The following AP4M1 variants were observed in gnomAD, a reference collection of about 807,000 sequenced individuals.
The protein encoded by AP4M1 is adaptor related protein complex 4 subunit mu 1.
Under a neutral mutation model 62.4 loss-of-function variants are expected in AP4M1, and 58 were observed. The ratio of observed to expected loss-of-function variants is 0.93; its 90% CI spans 0.75 to 1.16. The LOEUF (loss-of-function observed/expected upper bound fraction) is 1.16, where lower values mean the gene tolerates loss of function less well. AP4M1 is among the 50% of genes most tolerant of loss of function. AP4M1 has a pLI of 0.00. For synonymous variants in AP4M1, 290 were observed against 239.7 expected, an observed-to-expected ratio of 1.21 and a Z score of -1.94; for missense variants, 626 against 585.4, an observed-to-expected ratio of 1.07 and a Z score of -0.72.
Position 100,108,462 on chromosome 7 carries a change from G to A in AP4M1, c.*1580G>A, listed in dbSNP as rs750645763. On this transcript the variant is annotated 3_prime_UTR_variant, in exon 15 of 15. Coordinates refer to ENST00000359593, the MANE Select transcript of AP4M1 (RefSeq NM_004722.4). Reference sequence around the variant, plus strand: ...ACCTGGGAGCAGAGGAGGGGCCCAAGGGACCCGAATTCTGCCCGATAGGCG... The same window carrying A: ...ACCTGGGAGCAGAGGAGGGGCCCAAAGGACCCGAATTCTGCCCGATAGGCG... 3 of 1,614,078 alleles carry A rather than the reference G, an allele frequency of 1.9e-6. No homozygotes were observed. Among genetic ancestry groups the A allele is most frequent in the Non-Finnish European group, 2.5e-6 (3 of 1,179,968 alleles).
At chr7:100,101,835 C>T (rs1487941800) in intron 1 of AP4M1, 45 bp from the exon 2 acceptor site, 1 of 1,612,098 alleles carries the variant, frequency 6.2e-7, no homozygotes, top group Non-Finnish European at 8.5e-7. Context: ...CGCCCAGGGC[C>T]AGCCTGTGTC....
chr7:100,100,984 T>C, upstream of AP4M1: 1 of 903,238 alleles, frequency 1.1e-6, no homozygotes, highest in Non-Finnish European at 1.6e-6. Context: ...GACTTTTCCC[T>C]GTGCAGCCCC....
chr7:100,105,052 C>T lies in AP4M1; in HGVS notation c.681C>T (p.Arg227=), dbSNP rs1484937544. 1 of 1,614,130 alleles carries T rather than the reference C, an allele frequency of 6.2e-7. No individual in the cohort carries two copies. The highest frequency in any genetic ancestry group is 1.1e-5 in the South Asian group (1 of 91,086). The change falls in exon 9 of 15, where the codon CGC becomes CGT. Residue 227 remains arginine, a synonymous_variant. Coordinates refer to ENST00000359593, the MANE Select transcript of AP4M1 (RefSeq NM_004722.4). ...TGGTCTCTCCTCCGACAGAGATGCGCATTGGCTTGACGGAAGAGTTTTGTG... is the reference window on the plus strand; with the variant it reads ...TGGTCTCTCCTCCGACAGAGATGCGTATTGGCTTGACGGAAGAGTTTTGTG... ...KSFLPSGSEM[R]IGLTEEFCVG...
At chr7:100,101,621 A>G, upstream of AP4M1, 1 of 1,320,534 alleles carries the variant, frequency 7.6e-7, no homozygotes, top group Non-Finnish European at 1.1e-6. Flanking sequence ...AATCGCTCTT[A>G]AAGGGCCAGC....
In AP4M1 at chr7:100,106,827, C is replaced by G. The variant is rs755925051; in HGVS notation, c.1307C>G (p.Pro436Arg). ...TTCAGGCCATGCGGCAATGCCAACC[C>G]CCACAAGTGGGTGCGACACCTAAGC... Reference protein sequence around the residue: ...LAFRPCGNANPHKWVRHLSHS... With the variant: ...LAFRPCGNANRHKWVRHLSHS... Residue 436 changes from proline (P) to arginine (R), a missense_variant, in exon 15 of 15, where the codon CCC (proline) becomes CGC (arginine). Coordinates refer to ENST00000359593, the MANE Select transcript of AP4M1 (RefSeq NM_004722.4). 1.2e-6 allele frequency: 2 copies of G among 1,613,920 alleles called. No individual in the cohort carries two copies. The highest frequency in any genetic ancestry group is 1.7e-6 in the Non-Finnish European group (2 of 1,180,060).
intron 11 of AP4M1, 135 bp from the exon 12 acceptor site, chr7:100,105,824 G>A: frequency 9.0e-7 from 1 of 1,109,348 alleles, no homozygotes; most frequent in Non-Finnish European, 1.4e-6. Flanking sequence ...AATGGAGTTG[G>A]GCTGGGCTTC....
In AP4M1 at chr7:100,107,684, G is replaced by A; in HGVS notation, c.*802G>A. On this transcript the variant is annotated 3_prime_UTR_variant, in exon 15 of 15. Transcript: ENST00000359593. ...GCCCTCCCTGCCCCCCAGAGGCCTG[G>A]CGAGGACGCTTCACTCGCTCCCTGC... 7.0e-6 allele frequency: 11 copies of A among 1,579,572 alleles called. No homozygotes were observed. The highest frequency in any genetic ancestry group is 9.4e-6 in the Non-Finnish European group (11 of 1,165,540).
intron 8 of AP4M1, 36 bp downstream of exon 8, chr7:100,104,976 T>A (rs750376210): frequency 4.5e-5 from 72 of 1,613,922 alleles, no homozygotes; most frequent in Non-Finnish European, 5.6e-5. Flanking sequence ...GGGTTGGGGT[T>A]AGGGCGGGTT....
chr7:100,101,536 G>A (rs1796030651), upstream of AP4M1: 2 of 796,778 alleles, frequency 2.5e-6, no homozygotes, highest in Non-Finnish European at 4.2e-6. Context: ...CGGTGCGGGC[G>A]TCGGAAGGGA....
intron 2 of AP4M1, chr7:100,102,257 G>A (rs1796107122): frequency 3.5e-6 from 2 of 575,070 alleles, no homozygotes; most frequent in Non-Finnish European, 6.2e-6. Flanking sequence ...TGGGCGTGGT[G>A]GCGGGCGCCT....
Position 100,104,134 on chromosome 7 carries a change from T to A in AP4M1, c.586T>A (p.Ser196Thr). ...TTTTTTGGATGTGGTCGAGAGATTG[T>A]CTGTACTGATAGCATCTAATGTAAG... Reference protein sequence around the residue: ...EVFLDVVERLSVLIASNGSLL... With the variant: ...EVFLDVVERLTVLIASNGSLL... Residue 196 changes from serine to threonine, a missense_variant, in exon 7 of 15, where the codon TCT (serine) becomes ACT (threonine). Transcript: ENST00000359593. 1 of 1,614,036 alleles carries A rather than the reference T, an allele frequency of 6.2e-7. No individual in the cohort carries two copies. The highest frequency in any genetic ancestry group is 1.1e-5 in the South Asian group (1 of 91,080).
At chr7:100,100,936 GC>G (rs1244178065), upstream of AP4M1, 2 of 1,026,096 alleles carry the variant, frequency 1.9e-6, no homozygotes, top group South Asian at 6.1e-5. Flanking sequence ...GGGCACGGGA[GC>G]CCAGAGCCCT....
rs943002028 is a variant in AP4M1, at chr7:100,106,149, A to ACC, written c.975-91_975-90dup. 8.4e-5 allele frequency: 131 copies of ACC among 1,554,786 alleles called. No homozygotes were observed. The African/African-American group carries it at 1.5e-3, about 18-fold the overall frequency. Reference sequence around the variant, plus strand: ...TGTAGAATTTGGGAAGGTGGGGGGCACCTGTGCTGAAATCCTGTTATGACA... The same window carrying ACC: ...TGTAGAATTTGGGAAGGTGGGGGGCACCCCTGTGCTGAAATCCTGTTATGACA... On this transcript the variant is annotated intron_variant, in intron 12 of 14. Transcript: ENST00000359593.
In AP4M1 at chr7:100,108,046, G is replaced by GGAGCCAGGAACCTTCAGC; in HGVS notation, c.*1165_*1182dup. On this transcript the variant is annotated 3_prime_UTR_variant, in exon 15 of 15. Transcript: ENST00000359593. ...CCAGTGTCTGGACAGGAAGTGCGAT[G>GGAGCCAGGAACCTTCAGC]GAGCCAGGAACCTTCAGCAAGCCAG... 6.2e-7 allele frequency: 1 copy of GGAGCCAGGAACCTTCAGC among 1,613,564 alleles called. No individual in the cohort carries two copies.
rs764352275 is a variant in AP4M1, at chr7:100,106,462, G to C, written c.1085G>C (p.Arg362Pro). 1 of 1,613,812 alleles carries C rather than the reference G, an allele frequency of 6.2e-7. No individual in the cohort carries two copies. The highest frequency in any genetic ancestry group is 8.5e-7 in the Non-Finnish European group (1 of 1,180,026). Residue 362 changes from arginine to proline, a missense_variant, in exon 14 of 15, where the codon CGC becomes CCC. Physicochemically the swap from Arg to Pro is moderately radical, Grantham distance 103. Coordinates refer to ENST00000359593, the MANE Select transcript of AP4M1 (RefSeq NM_004722.4). ...GCTGAGCTGGCAGAGGGAGCCCTTC[G>C]CTGGGACCTGCCTCGGGTGCAAGGA... ...QKAELAEGAL[R>P]WDLPRVQGGS...
chr7:100,105,718 G>A (rs1038610356), intron 11 of AP4M1, among the ~76,000 whole-genome samples, 179 bp downstream of exon 11: 8 of 151,960 alleles, frequency 5.3e-5, no homozygotes, highest in Non-Finnish European at 7.4e-5. Flanking sequence ...AGGCTGAGGC[G>A]GGAGGATCAC....
rs1562907937 is a variant in AP4M1, at chr7:100,104,083, CTT to C, written c.544-7_544-6del. ...GCTTCCAACCACCCAAATTCTCTCT[CTT>C]TCTCAGAGCCAAAAGAATGAAGTTT... On this transcript the variant is annotated splice_polypyrimidine_tract_variant and splice_region_variant and intron_variant, in intron 6 of 14. Transcript: ENST00000359593. 1.9e-6 allele frequency: 3 copies of C among 1,613,798 alleles called. No homozygotes were observed. The Admixed American group carries it at 5.0e-5, about 27-fold the overall frequency.
At chr7:100,104,560 G>T (rs1300153339) in intron 7 of AP4M1, among the ~76,000 whole-genome samples, 1 of 152,086 alleles carries the variant, frequency 6.6e-6, no homozygotes, top group Non-Finnish European at 1.5e-5. Context: ...GCTGGGCACA[G>T]TGGCTCATGC....
chr7:100,106,665 TCCCAGGGCC>T lies in AP4M1; in HGVS notation c.1152_1160del (p.Gly387_Pro389del). ...TGCCTCTGCCCCTCACAGATGGACGTCCCAGGGCCCCCAGGACCTCCCAGCCATGGGCTC... is the reference window on the plus strand; with the variant it reads ...TGCCTCTGCCCCTCACAGATGGACGTCCCAGGACCTCCCAGCCATGGGCTC... On this transcript the variant is annotated inframe_deletion, in exon 15 of 15. Coordinates refer to ENST00000359593, the MANE Select transcript of AP4M1 (RefSeq NM_004722.4). 1 of 1,609,520 alleles carries T rather than the reference TCCCAGGGCC, an allele frequency of 6.2e-7. No homozygotes were observed. Among genetic ancestry groups the T allele is most frequent in the Non-Finnish European group, 8.5e-7 (1 of 1,178,218 alleles).
Sources: allele counts gnomAD v4.1 joint callset (sites outside exome capture counted in the v4.1 genomes callset), GRCh38; gene constraint gnomAD v4.1.1; transcripts MANE v1.5; gene names NCBI Gene and HGNC (gene_info 2026-07-23, HGNC 2026-07-21).